The following ELL variants were observed in gnomAD, a reference collection of about 807,000 sequenced individuals.
The protein encoded by ELL is RNA polymerase II elongation factor ELL.
Under a neutral mutation model 64.0 loss-of-function variants are expected in ELL, and 18 were observed. That is an observed-to-expected ratio of 0.28 (90% CI 0.19 to 0.42). The LOEUF (loss-of-function observed/expected upper bound fraction) is 0.42, where lower values mean the gene tolerates loss of function less well. Among genes scored for constraint, ELL ranks in the 10% least tolerant of loss-of-function variants. The pLI is 1.00. For synonymous variants in ELL, 399 were observed against 376.2 expected, an observed-to-expected ratio of 1.06 and a Z score of -0.70; for missense variants, 797 against 870.4, an observed-to-expected ratio of 0.92 and a Z score of 1.06.
chr19:18,463,325 C>CTTTTTTTTT, intron 4 of ELL, among the ~76,000 whole-genome samples: 1 of 73,250 alleles, frequency 1.4e-5, no homozygotes, highest in Non-Finnish European at 2.3e-5. Context: ...ACATTCACAT[C>CTTTTTTTTT]TTTTTTTTTT....
chr19:18,486,717 C>T (rs1413712859), intron 1 of ELL, among the ~76,000 whole-genome samples: 1 of 152,208 alleles, frequency 6.6e-6, no homozygotes, highest in South Asian at 2.1e-4. Context: ...AGCACCCAAA[C>T]CCCTGTCCCA....
intron 2 of ELL, among the ~76,000 whole-genome samples, chr19:18,467,178 T>C (rs1404355118): frequency 6.6e-6 from 1 of 152,120 alleles, no homozygotes. Context: ...TTCGGCCACT[T>C]GGGGCAGGAA....
intron 1 of ELL, among the ~76,000 whole-genome samples, chr19:18,516,405 C>T (rs1010090711): frequency 2.0e-5 from 3 of 152,194 alleles, no homozygotes; most frequent in East Asian, 1.9e-4. Flanking sequence ...TCACTGACTG[C>T]CCCACCTATA....
intron 6 of ELL, among the ~76,000 whole-genome samples, chr19:18,455,652 T>C (rs1974654210): frequency 1.3e-5 from 2 of 150,960 alleles, no homozygotes; most frequent in Admixed American, 1.3e-4. Flanking sequence ...TCAAGACCAG[T>C]CTGGAGAACA....
rs1974818088 is a variant in ELL at position 18,461,702 on chromosome 19, A to C, written c.620T>G (p.Phe207Cys). Reference protein sequence around the residue: ...SGGSGVSQRPFRDRVLHLLAL... With the variant: ...SGGSGVSQRPCRDRVLHLLAL... ...CAGGAGGTGCAGCACTCGGTCACGG[A>C]AGGGCCTCTGGGACACCCCGCTGCC... Residue 207 changes from phenylalanine to cysteine, a missense_variant, in exon 5 of 12, where the codon TTC (phenylalanine) becomes TGC (cysteine). Phe to Cys is a radical substitution (Grantham distance 205). Coordinates refer to ENST00000262809, the MANE Select transcript of ELL (RefSeq NM_006532.4). 2.5e-6 allele frequency: 4 copies of C among 1,613,434 alleles called. No individual in the cohort carries two copies. The South Asian group carries it at 4.4e-5, about 18-fold the overall frequency.
chr19:18,455,354 G>A (rs1269140165), intron 6 of ELL, among the ~76,000 whole-genome samples: 1 of 151,152 alleles, frequency 6.6e-6, no homozygotes, highest in African/African-American at 2.4e-5. Flanking sequence ...AGCCAGGCGT[G>A]GTGGCGGGCA....
chr19:18,465,689 C>G (rs1180626226), intron 3 of ELL, 108 bp downstream of exon 3: 6 of 1,473,666 alleles, frequency 4.1e-6, no homozygotes, highest in Non-Finnish European at 5.4e-6. Flanking sequence ...TCTGTCAACA[C>G]CATCTCAGGC....
chr19:18,519,572 T>C (rs1976208588), intron 1 of ELL, among the ~76,000 whole-genome samples: 1 of 152,174 alleles, frequency 6.6e-6, no homozygotes, highest in Non-Finnish European at 1.5e-5. Context: ...TTTTAGAGGC[T>C]GAGAAGGACG....
At chr19:18,515,339 G>A (rs1348447504) in intron 1 of ELL, among the ~76,000 whole-genome samples, 2 of 152,220 alleles carry the variant, frequency 1.3e-5, no homozygotes, top group African/African-American at 4.8e-5. Context: ...CACTCCTGAT[G>A]CCTCCTGGCA....
intron 5 of ELL, 69 bp downstream of exon 5, chr19:18,461,509 C>G: frequency 1.9e-6 from 3 of 1,538,796 alleles, no homozygotes; most frequent in Non-Finnish European, 2.6e-6. Context: ...CATGCTCTGG[C>G]CCATCCCACC....
chr19:18,478,168 G>C (rs545123969), intron 1 of ELL, among the ~76,000 whole-genome samples: 17 of 152,298 alleles, frequency 1.1e-4, no homozygotes, highest in African/African-American at 3.9e-4. Flanking sequence ...CCCTCTTCTG[G>C]CTGCTCCCTC....
chr19:18,444,567 C>A lies in ELL; in HGVS notation c.*185G>T, dbSNP rs934760726. On this transcript the variant is annotated 3_prime_UTR_variant, in exon 12 of 12. Transcript: ENST00000262809. ...TCATAAGCAGGGACTGCTCAGGAAG[C>A]GCAGGGAGGGCCGAGGTGGGCTTGC... is the stretch of plus-strand genomic sequence containing the variant. The A allele has an allele frequency of 3.4e-6, 2 of 588,594 alleles. No homozygotes were observed. Among genetic ancestry groups the A allele is most frequent in the Non-Finnish European group, 5.9e-6 (2 of 339,950 alleles). 36.5% of individuals were successfully genotyped at this position (588,594 alleles called of 1,614,324 possible). A position where few individuals can be genotyped will look rare whatever the true frequency, so the allele number is the denominator to read the frequency against.
rs1335127204 is a variant in ELL at position 18,458,386 on chromosome 19, G to C, written c.745-57C>G. The C allele has an allele frequency of 1.0e-5, 16 of 1,578,426 alleles. No individual in the cohort carries two copies. The African/African-American group carries it at 1.8e-4, about 17-fold the overall frequency. On this transcript the variant is annotated intron_variant, in intron 5 of 11. Transcript: ENST00000262809. Reference sequence around the variant, plus strand: ...GAATCCTGAGAGAGACGGGGGACTAGAGAAAAAAGATCTGATAGTGGGTTT... The same window carrying C: ...GAATCCTGAGAGAGACGGGGGACTACAGAAAAAAGATCTGATAGTGGGTTT...
At chr19:18,459,357 G>A (rs879752039) in intron 5 of ELL, among the ~76,000 whole-genome samples, 47 of 152,170 alleles carry the variant, frequency 3.1e-4, no homozygotes, top group Admixed American at 2.5e-3. Flanking sequence ...GATTCAGAAC[G>A]TCTGCCTTAG....
intron 6 of ELL, among the ~76,000 whole-genome samples, chr19:18,454,840 C>CCAAAAAAAAAAAAAAA (rs1974621815): frequency 1.8e-5 from 1 of 56,512 alleles, no homozygotes; most frequent in African/African-American, 7.1e-5. Flanking sequence ...GACTCAGTCT[C>CCAAAAAAAAAAAAAAA]AAAAAAAAAA....
Position 18,446,367 on chromosome 19 carries a change from C to T in ELL, c.1646G>A (p.Arg549Gln), listed in dbSNP as rs1281369067. ...LHARIERITR[R>Q]FTQLDAQLRQ... ...GAGCTGGGCGTCGAGCTGGGTGAACCGCCGCGTGATGCGCTCAATGCGGGC... is the reference window on the plus strand; with the variant it reads ...GAGCTGGGCGTCGAGCTGGGTGAACTGCCGCGTGATGCGCTCAATGCGGGC... Residue 549 changes from arginine (R) to glutamine (Q), a missense_variant, in exon 10 of 12, where the codon CGG becomes CAG. Coordinates refer to ENST00000262809, the MANE Select transcript of ELL (RefSeq NM_006532.4). 6.2e-7 allele frequency: 1 copy of T among 1,608,134 alleles called. No homozygotes were observed. Among genetic ancestry groups the T allele is most frequent in the Non-Finnish European group, 8.5e-7 (1 of 1,178,654 alleles).
At chr19:18,466,809 A>C (rs921966481) in intron 2 of ELL, among the ~76,000 whole-genome samples, 6 of 152,188 alleles carry the variant, frequency 3.9e-5, no homozygotes, top group African/African-American at 1.4e-4. Flanking sequence ...AGGAGGGGAC[A>C]ACATGGGGGG....
chr19:18,507,557 A>G (rs189332559), intron 1 of ELL, among the ~76,000 whole-genome samples: 161 of 152,254 alleles, frequency 1.1e-3, no homozygotes, highest in Non-Finnish European at 1.6e-3. Context: ...GCCCATGTCC[A>G]CCACCACTGC....
chr19:18,458,121 C>A lies in ELL; in HGVS notation c.869+84G>T, dbSNP rs368769725. The A allele has an allele frequency of 2.0e-3, 3,091 of 1,570,598 alleles. 73 individuals are homozygous for A. The South Asian group carries it at 0.034, about 17-fold the overall frequency. ...AAGCCCTGTGGCCTTCAGGACCACA[C>A]AAGACCACCCCAGCATCCTCTGGGT... On this transcript the variant is annotated intron_variant, in intron 6 of 11. Coordinates refer to ENST00000262809, the MANE Select transcript of ELL (RefSeq NM_006532.4).
Sources: gnomAD v4.1 joint callset for allele counts (sites outside exome capture counted in the v4.1 genomes callset) on GRCh38, gnomAD v4.1.1 for gene constraint, MANE v1.5 for transcripts, NCBI Gene and HGNC (gene_info 2026-07-23, HGNC 2026-07-21) for gene names.